The following ATXN2 variants were observed in gnomAD, a reference collection of about 807,000 sequenced individuals.
ATXN2 encodes the protein ataxin-2.
In ATXN2, 37 loss-of-function variants were observed where a neutral mutation model predicts 138.6. That is an observed-to-expected ratio of 0.27 (90% confidence interval 0.21 to 0.35). ATXN2 has a LOEUF of 0.35. Ranked by LOEUF, ATXN2 falls within the 10% of genes least tolerant of loss-of-function variation. The pLI is 1.00. For missense variants in ATXN2, 1,216 were observed against 1,480.3 expected (o/e 0.82, Z 2.93); for synonymous variants, 549 against 543.7 (o/e 1.01, Z -0.13).
At position 111,518,969 on chromosome 12, in the gene ATXN2, C is replaced by T. The variant is rs550215468; in HGVS notation, c.987-542G>A. On this transcript the variant is annotated intron_variant, in intron 8 of 24. Transcript: ENST00000673436. Reference sequence around the variant, plus strand: ...GATAGGTAGCAGGTATTTCTCAACACGTTTATGAATAAATGAAAGACCCAC... The same window carrying T: ...GATAGGTAGCAGGTATTTCTCAACATGTTTATGAATAAATGAAAGACCCAC... Among the ~76,000 whole-genome samples, 6 of 152,180 alleles carry T rather than the reference C, an allele frequency of 3.9e-5. No individual in the cohort carries two copies. The East Asian group carries it at 7.7e-4, about 20-fold the overall frequency.
At chr12:111,503,710 C>G (rs538623339) in intron 14 of ATXN2, among the ~76,000 whole-genome samples, 1 of 152,034 alleles carries the variant, frequency 6.6e-6, no homozygotes, top group South Asian at 2.1e-4. Flanking sequence ...CTGCCTCAGC[C>G]TCCTGAGTAG....
intron 21 of ATXN2, among the ~76,000 whole-genome samples, chr12:111,462,004 G>A (rs1875626106): frequency 6.6e-6 from 1 of 152,046 alleles, no homozygotes; most frequent in South Asian, 2.1e-4. Flanking sequence ...AGAGTGGAGT[G>A]GGAAGGGCAG....
In ATXN2 at chr12:111,522,960, G is replaced by A. The variant is rs190976825; in HGVS notation, c.697-1987C>T. Among the ~76,000 whole-genome samples, 63 of 149,692 alleles carry A rather than the reference G, an allele frequency of 4.2e-4. No individual in the cohort carries two copies. The East Asian group carries it at 0.011, about 26-fold the overall frequency. On this transcript the variant is annotated intron_variant, in intron 6 of 24. Coordinates refer to ENST00000673436, the MANE Select transcript of ATXN2 (RefSeq NM_001372574.1). ...ATTTCAGACATCTTCTAGGCAATAA[G>A]AATATGAACAGCTCTTTAAAAAAAA...
chr12:111,507,312 C>T (rs1196540443), intron 14 of ATXN2, among the ~76,000 whole-genome samples: 2 of 151,650 alleles, frequency 1.3e-5, no homozygotes, highest in South Asian at 2.1e-4. Flanking sequence ...TCTGCCCGGC[C>T]GCGACCCCGT....
At chr12:111,583,585 G>A (rs1041262955) in intron 1 of ATXN2, among the ~76,000 whole-genome samples, 1 of 151,708 alleles carries the variant, frequency 6.6e-6, no homozygotes, top group Non-Finnish European at 1.5e-5. Flanking sequence ...GAACAACATG[G>A]CGAAAACCCC....
Position 111,510,379 on chromosome 12 carries a change from A to C in ATXN2, c.1756+6T>G. On this transcript the variant is annotated splice_donor_region_variant and intron_variant, in intron 12 of 24. Transcript: ENST00000673436. ...ATTATGGATCCAGAAGCCCTTTGTT[A>C]CATACCCTCACTAGAAGGGGTAACA... The C allele has an allele frequency of 6.2e-7, 1 of 1,612,994 alleles. No homozygotes were observed. Among genetic ancestry groups the C allele is most frequent in the Non-Finnish European group, 8.5e-7 (1 of 1,179,148 alleles).
At chr12:111,519,763 T>C (rs982083681) in intron 8 of ATXN2, 116 bp downstream of exon 8, 30 of 1,519,238 alleles carry the variant, frequency 2.0e-5, no homozygotes, top group Non-Finnish European at 2.4e-5. Flanking sequence ...CCAATTCTAC[T>C]TGCATTCTCT....
chr12:111,465,095 G>A (rs116037008), intron 20 of ATXN2, among the ~76,000 whole-genome samples: 171 of 152,150 alleles, frequency 1.1e-3, no homozygotes, highest in African/African-American at 3.9e-3. Context: ...TAATGGAAAT[G>A]TCATTATCCT....
At chr12:111,535,449 C>T (rs1312803499) in intron 5 of ATXN2, among the ~76,000 whole-genome samples, 1 of 151,562 alleles carries the variant, frequency 6.6e-6, no homozygotes, top group Non-Finnish European at 1.5e-5. Flanking sequence ...ACAGTGAAAC[C>T]CATCTCTACT....
intron 23 of ATXN2, chr12:111,455,073 C>G (rs961531084): frequency 2.8e-6 from 2 of 702,952 alleles, no homozygotes; most frequent in African/African-American, 3.5e-5. Context: ...ATAGATCCAA[C>G]TGAGTCGCAT....
At chr12:111,473,682 G>A (rs1210257760) in intron 18 of ATXN2, among the ~76,000 whole-genome samples, 1 of 151,750 alleles carries the variant, frequency 6.6e-6, no homozygotes, top group Non-Finnish European at 1.5e-5. Context: ...AAACATCTAG[G>A]AACTCACTGA....
At position 111,510,510 on chromosome 12, in the gene ATXN2, C is replaced by T. The variant is rs773618365; in HGVS notation, c.1631G>A (p.Gly544Glu). Residue 544 changes from glycine to glutamate, a missense_variant, in exon 12 of 25, where the codon GGG (glycine) becomes GAG (glutamate). Coordinates refer to ENST00000673436, the MANE Select transcript of ATXN2 (RefSeq NM_001372574.1). ...RQNSIGNTPS[G>E]PVLASPQAGI... ...AGCTTGGGGAGAAGCAAGAACTGGC[C>T]CACTGGGGGTATTTCCAATACTGTT... 1 of 1,614,028 alleles carries T rather than the reference C, an allele frequency of 6.2e-7. No individual in the cohort carries two copies. Among genetic ancestry groups the T allele is most frequent in the Non-Finnish European group, 8.5e-7 (1 of 1,179,976 alleles).
chr12:111,596,206 AC>A (rs1417462276), intron 1 of ATXN2, among the ~76,000 whole-genome samples: 4 of 1,180 alleles, frequency 3.4e-3, no homozygotes, highest in Admixed American at 0.017. Context: ...TCCATCCAAA[AC>A]ACACACACAC....
At chr12:111,470,024 T>G in intron 20 of ATXN2, 84 bp downstream of exon 20, 2 of 1,406,692 alleles carry the variant, frequency 1.4e-6, no homozygotes, top group South Asian at 3.2e-5. Flanking sequence ...AAAGGTCAGG[T>G]TATTCTTAGA....
In ATXN2 at chr12:111,525,088, C is replaced by T. The variant is rs527377926; in HGVS notation, c.696+104G>A. 1.2e-5 allele frequency: 17 copies of T among 1,401,076 alleles called. No individual in the cohort carries two copies. The African/African-American group carries it at 2.0e-4, about 17-fold the overall frequency. The allele number at this position is 1,401,076 out of a possible 1,614,324, so 86.8% of individuals were successfully genotyped here. ...CAACAAACCTGCTGCTCTAAATACA[C>T]TCACTACAATAACAACAACAACAAA... On this transcript the variant is annotated intron_variant, in intron 6 of 24. Transcript: ENST00000673436.
chr12:111,484,433 T>C (rs1316777277), intron 18 of ATXN2, among the ~76,000 whole-genome samples: 1 of 149,490 alleles, frequency 6.7e-6, no homozygotes, highest in Non-Finnish European at 1.5e-5. Context: ...GTTTGTTTTT[T>C]GTTTGTTTGT....
chr12:111,463,357 C>T (rs956997449), intron 21 of ATXN2, among the ~76,000 whole-genome samples: 25 of 152,100 alleles, frequency 1.6e-4, no homozygotes, highest in African/African-American at 6.0e-4. Context: ...TGCAGTGGTA[C>T]AATCTCAGCT....
intron 1 of ATXN2, chr12:111,581,430 C>T: frequency 1.3e-6 from 1 of 768,196 alleles, no homozygotes; most frequent in East Asian, 2.7e-5. Flanking sequence ...GGCCATCCCC[C>T]TAACTATGAG....
In ATXN2 at chr12:111,598,279, T is replaced by A. The variant is rs751705620; in HGVS notation, c.251+505A>T. 2 of 1,006,166 alleles carry A rather than the reference T, an allele frequency of 2.0e-6. No homozygotes were observed. The highest frequency in any genetic ancestry group is 3.5e-5 in the African/African-American group (2 of 57,286). The allele number at this position is 1,006,166 out of a possible 1,614,324, so 62.3% of individuals were successfully genotyped here. A position where few individuals can be genotyped will look rare whatever the true frequency, so the allele number is the denominator to read the frequency against. On this transcript the variant is annotated intron_variant, in intron 1 of 24. Coordinates refer to ENST00000673436, the MANE Select transcript of ATXN2 (RefSeq NM_001372574.1). This position sits in a 1 kb window ranked among gnomAD's most constrained non-coding sequence, Gnocchi z 4.5. ...CGGAGGAGCCCGGTGCCTACCCCTT[T>A]AACCGGCACGGGGGACGCGGCCCTA...
Sources: allele counts gnomAD v4.1 joint callset (sites outside exome capture counted in the v4.1 genomes callset), GRCh38; gene constraint gnomAD v4.1.1; non-coding constraint Gnocchi (gnomAD v3.1); transcripts MANE v1.5; gene names NCBI Gene and HGNC (gene_info 2026-07-23, HGNC 2026-07-21).